Variants in SH3RF2 observed in about 807,000 individuals in gnomAD.
SH3RF2 encodes SH3 domain containing ring finger 2.
Under a neutral mutation model 59.0 loss-of-function variants are expected in SH3RF2, and 43 were observed. That is an observed-to-expected ratio of 0.73 (90% CI 0.57 to 0.94). The LOEUF (loss-of-function observed/expected upper bound fraction) is 0.94. Ranked by LOEUF, SH3RF2 falls within the 40% of genes least tolerant of loss-of-function variation. The pLI is 0.00. For missense variants in SH3RF2, 930 were observed against 940.1 expected (o/e 0.99, Z 0.14); for synonymous variants, 391 against 391.5 (o/e 1.00, Z 0.01).
intron 4 of SH3RF2, among the ~76,000 whole-genome samples, chr5:146,013,437 G>A (rs1396284261): frequency 1.3e-5 from 2 of 152,162 alleles, no homozygotes; most frequent in Non-Finnish European, 2.9e-5. Context: ...AATGACTGGG[G>A]AAAATGGGTA....
At chr5:146,028,327 T>G (rs1166567239) in intron 5 of SH3RF2, among the ~76,000 whole-genome samples, 2 of 152,188 alleles carry the variant, frequency 1.3e-5, no homozygotes, top group African/African-American at 4.8e-5. Flanking sequence ...AGTATAGACA[T>G]GTGGGCACAG....
intron 5 of SH3RF2, among the ~76,000 whole-genome samples, chr5:146,015,777 T>A (rs180922764): frequency 2.0e-5 from 3 of 152,350 alleles, no homozygotes; most frequent in Non-Finnish European, 4.4e-5. Flanking sequence ...ATAGTGAGAA[T>A]TCCACAGTAT....
At chr5:145,945,832 A>G (rs1275355523) in intron 2 of SH3RF2, among the ~76,000 whole-genome samples, 1 of 152,192 alleles carries the variant, frequency 6.6e-6, no homozygotes, top group Non-Finnish European at 1.5e-5. Flanking sequence ...TGTGAGGACT[A>G]TCAGCTGTAT....
At chr5:146,030,746 T>C (rs1761712739) in intron 5 of SH3RF2, among the ~76,000 whole-genome samples, 1 of 141,172 alleles carries the variant, frequency 7.1e-6, no homozygotes, top group Admixed American at 7.6e-5. Context: ...GATGTGATTT[T>C]GAATTTATTG....
At chr5:146,011,788 G>A (rs989710178) in intron 4 of SH3RF2, among the ~76,000 whole-genome samples, 3 of 152,162 alleles carry the variant, frequency 2.0e-5, no homozygotes, top group Admixed American at 6.5e-5. Context: ...GGGCTAAGAC[G>A]ATGGGGTTTT....
chr5:146,069,151 C>T (rs1291507686), intron 9 of SH3RF2, among the ~76,000 whole-genome samples: 1 of 152,218 alleles, frequency 6.6e-6, no homozygotes, highest in Non-Finnish European at 1.5e-5. Context: ...CGTAGATATT[C>T]TGCCTGAAGA....
At chr5:145,956,164 G>A (rs187149147) in intron 2 of SH3RF2, among the ~76,000 whole-genome samples, 6 of 152,288 alleles carry the variant, frequency 3.9e-5, no homozygotes, top group East Asian at 3.9e-4. Context: ...CTCGAACCAC[G>A]CCCAGAGTAG....
downstream of SH3RF2, among the ~76,000 whole-genome samples, chr5:146,066,275 C>T (rs1242020101): frequency 6.6e-6 from 1 of 152,190 alleles, no homozygotes; most frequent in African/African-American, 2.4e-5. Flanking sequence ...CTAGAACGCT[C>T]GGCTGCGCAC....
exon 10 of SH3RF2, chr5:146,081,248 G>C (rs1218324847): frequency 6.6e-6 from 1 of 151,706 alleles, no homozygotes; most frequent in African/African-American, 2.4e-5. Flanking sequence ...ATCTAGTACT[G>C]GATAATGTTT....
At chr5:145,984,987 C>T (rs1271749817) in intron 2 of SH3RF2, among the ~76,000 whole-genome samples, 2 of 152,066 alleles carry the variant, frequency 1.3e-5, no homozygotes, top group Non-Finnish European at 2.9e-5. Flanking sequence ...AAGACCCAGT[C>T]TCTCCTAAAA....
At chr5:145,987,789 A>G (rs1759771951) in intron 2 of SH3RF2, among the ~76,000 whole-genome samples, 1 of 152,194 alleles carries the variant, frequency 6.6e-6, no homozygotes, top group South Asian at 2.1e-4. Context: ...GGGAAGTCAG[A>G]CCAGAAGCTA....
At chr5:145,988,605 A>C (rs1191794435) in intron 2 of SH3RF2, among the ~76,000 whole-genome samples, 2 of 152,134 alleles carry the variant, frequency 1.3e-5, no homozygotes, top group Admixed American at 6.5e-5. Context: ...TAACTATTGC[A>C]TCCTAGTACC....
chr5:146,064,093 A>G (rs751449461), downstream of SH3RF2, among the ~76,000 whole-genome samples: 84 of 152,138 alleles, frequency 5.5e-4, no homozygotes, highest in Non-Finnish European at 1.1e-3. Flanking sequence ...AAGCTGCTAT[A>G]AAAAGGGTAG....
intron 8 of SH3RF2, among the ~76,000 whole-genome samples, chr5:146,057,928 G>GTCTC (rs58826823): frequency 0.045 from 5,925 of 133,008 alleles, 174 homozygotes; most frequent in Middle Eastern, 0.076. Context: ...GGCTGTTAGT[G>GTCTC]TCTCTCTCTC....
At chr5:146,024,513 G>T (rs776591636) in intron 5 of SH3RF2, among the ~76,000 whole-genome samples, 1 of 151,956 alleles carries the variant, frequency 6.6e-6, no homozygotes, top group African/African-American at 2.4e-5. Context: ...TTCATTCTGC[G>T]TGTTGCCTTT....
At chr5:146,055,936 T>C in intron 7 of SH3RF2, 45 bp from the exon 8 acceptor site, 1 of 1,589,218 alleles carries the variant, frequency 6.3e-7, no homozygotes, top group Non-Finnish European at 8.5e-7. Context: ...CTGAACATTT[T>C]CTTTCTCTAT....
chr5:146,004,738 A>C lies in SH3RF2; in HGVS notation c.744+585A>C, dbSNP rs1016854111. Among the ~76,000 whole-genome samples, 4 of 152,236 alleles carry C rather than the reference A, an allele frequency of 2.6e-5. No individual in the cohort carries two copies. The East Asian group carries it at 7.7e-4, about 29-fold the overall frequency. On this transcript the variant is annotated intron_variant, in intron 4 of 9. Transcript: ENST00000359120. Reference sequence around the variant, plus strand: ...TAAATGGAGAATAATATTTAATATCATAAAATGTTCAATATTATGGAAAGA... The same window carrying C: ...TAAATGGAGAATAATATTTAATATCCTAAAATGTTCAATATTATGGAAAGA...
chr5:146,021,663 A>C (rs1451489826), intron 5 of SH3RF2, among the ~76,000 whole-genome samples: 1 of 152,220 alleles, frequency 6.6e-6, no homozygotes, highest in African/African-American at 2.4e-5. Flanking sequence ...GCAGGGTTTC[A>C]CAGGCAGGTG....
chr5:145,941,137 C>T (rs1757799615), intron 2 of SH3RF2, among the ~76,000 whole-genome samples: 3 of 152,136 alleles, frequency 2.0e-5, no homozygotes, highest in Non-Finnish European at 4.4e-5. Flanking sequence ...TAACCTGGCA[C>T]CCTGAAAAAG....
Sources: gnomAD v4.1 joint callset for allele counts (sites outside exome capture counted in the v4.1 genomes callset) on GRCh38, gnomAD v4.1.1 for gene constraint, MANE v1.5 for transcripts, NCBI Gene and HGNC (gene_info 2026-07-23, HGNC 2026-07-21) for gene names.